UNCX: variants seen among roughly 807,000 people sequenced by gnomAD.
The protein encoded by UNCX is homeobox protein unc-4 homolog.
UNCX carries 4 observed loss-of-function variants against 14.8 expected under a neutral mutation model. That is an observed-to-expected ratio of 0.27 (90% CI 0.13 to 0.62). The LOEUF is 0.62. UNCX is among the 20% of genes least tolerant of loss of function. UNCX has a pLI of 0.86. For missense variants in UNCX, 749 were observed against 786.8 expected (o/e 0.95, Z 0.58); for synonymous variants, 459 against 395.8 (o/e 1.16, Z -1.90).
Position 1,233,419 on chromosome 7 carries a change from C to G in UNCX, c.275-101C>G, listed in dbSNP as rs1272179221. ...CTCCTAGGCGGCCGTCTCTGCGCCC[C>G]CCCCCCCGGATCCAGGCGGCCAGCG... On this transcript the variant is annotated intron_variant, in intron 1 of 2. Transcript: ENST00000316333. This position sits in a 1 kb window ranked among gnomAD's most constrained non-coding sequence, Gnocchi z 5.3. 7.3e-7 allele frequency: 1 copy of G among 1,374,688 alleles called. No homozygotes were observed. 85.2% of individuals were successfully genotyped at this position (1,374,688 alleles called of 1,614,324 possible).
chr7:1,235,703 C>T, intron 2 of UNCX, 129 bp from the exon 3 acceptor site: 1 of 813,240 alleles, frequency 1.2e-6, no homozygotes, highest in Admixed American at 3.0e-5. Flanking sequence ...CTCGGCCGCG[C>T]GGCTTCACTC....
Position 1,236,829 on chromosome 7 carries a change from G to A in UNCX, c.1448G>A (p.Gly483Asp), listed in dbSNP as rs1283445729. The change falls in exon 3 of 3, where the codon GGC (glycine) becomes GAC (aspartate). Residue 483 changes from glycine (G) to aspartate (D), a missense_variant. Physicochemically the swap from Gly to Asp is moderately conservative, Grantham distance 94 (BLOSUM62 -1). Transcript: ENST00000316333. This position sits in a 1 kb window ranked among gnomAD's most constrained non-coding sequence, Gnocchi z 6.9. ...GACTGCGCGGACGCGGGGACCGCCG[G>A]CCCCGCGCCCCCGCCGCCCGCGCCG... ...GGDCADAGTA[G>D]PAPPPPAPSP... The A allele has an allele frequency of 3.0e-6, 3 of 987,206 alleles. No individual in the cohort carries two copies. The highest frequency in any genetic ancestry group is 3.6e-5 in the African/African-American group (2 of 56,058). The allele number at this position is 987,206 out of a possible 1,614,324, so 61.2% of individuals were successfully genotyped here. A position where few individuals can be genotyped will look rare whatever the true frequency, so the allele number is the denominator to read the frequency against.
At position 1,233,790 on chromosome 7, in the gene UNCX, C is replaced by A. The variant is rs1778689802; in HGVS notation, c.450+95C>A. 2 of 1,444,238 alleles carry A rather than the reference C, an allele frequency of 1.4e-6. No homozygotes were observed. Among genetic ancestry groups the A allele is most frequent in the East Asian group, 2.5e-5 (1 of 39,596 alleles). 89.5% of individuals were successfully genotyped at this position (1,444,238 alleles called of 1,614,324 possible). On this transcript the variant is annotated intron_variant, in intron 2 of 2. Coordinates refer to ENST00000316333, the MANE Select transcript of UNCX (RefSeq NM_001080461.3). The surrounding 1 kb of genome is among the most constrained non-coding windows in gnomAD (Gnocchi z 5.3). Reference sequence around the variant, plus strand: ...GTTCCAGGTGGCGAGATATCGTCCCCTTGCCGCGGGCCCGCTTCGCGCTCG... The same window carrying A: ...GTTCCAGGTGGCGAGATATCGTCCCATTGCCGCGGGCCCGCTTCGCGCTCG...
chr7:1,233,425 C>CCT lies in UNCX; in HGVS notation c.275-94_275-93insTC, dbSNP rs1554251749. 198 of 1,383,192 alleles carry CCT rather than the reference C, an allele frequency of 1.4e-4. No homozygotes were observed. In the South Asian group the frequency reaches 2.3e-3, roughly 16 times the overall value. The allele number at this position is 1,383,192 out of a possible 1,614,324, so 85.7% of individuals were successfully genotyped here. A position where few individuals can be genotyped will look rare whatever the true frequency, so the allele number is the denominator to read the frequency against. On this transcript the variant is annotated intron_variant, in intron 1 of 2. Coordinates refer to ENST00000316333, the MANE Select transcript of UNCX (RefSeq NM_001080461.3). This position sits in a 1 kb window ranked among gnomAD's most constrained non-coding sequence, Gnocchi z 5.3. Reference sequence around the variant, plus strand: ...GGCGGCCGTCTCTGCGCCCCCCCCCCCGGATCCAGGCGGCCAGCGGGTAGC... The same window carrying CCT: ...GGCGGCCGTCTCTGCGCCCCCCCCCCCTCGGATCCAGGCGGCCAGCGGGTAGC...
In UNCX at chr7:1,233,656, G is replaced by T; in HGVS notation, c.411G>T (p.Ala137=). Residue 137 remains alanine, a synonymous_variant, in exon 2 of 3, where the codon GCG becomes GCT. Transcript: ENST00000316333. The surrounding 1 kb of genome is among the most constrained non-coding windows in gnomAD (Gnocchi z 5.3). ...ATCCCGACGTGTTCATGCGCGAGGC[G>T]CTGGCGCTGCGCCTAGACCTGGTCG... ...SHYPDVFMRE[A]LALRLDLVES... is the part of the protein sequence containing the mutation. 3.1e-6 allele frequency: 5 copies of T among 1,611,154 alleles called. No homozygotes were observed. The highest frequency in any genetic ancestry group is 4.2e-6 in the Non-Finnish European group (5 of 1,179,018).
chr7:1,233,872 C>T lies in UNCX; in HGVS notation c.450+177C>T, dbSNP rs1308855799. ...CTGGGGCTCGGCCCCTCACGGACAG[C>T]GGGGTGGGTAACTGCCCCCCAAAAG... On this transcript the variant is annotated intron_variant, in intron 2 of 2. Coordinates refer to ENST00000316333, the MANE Select transcript of UNCX (RefSeq NM_001080461.3). This position sits in a 1 kb window ranked among gnomAD's most constrained non-coding sequence, Gnocchi z 5.3. 1.3e-5 allele frequency among the ~76,000 whole-genome samples: 2 copies of T among 152,220 alleles called. No homozygotes were observed. The highest frequency in any genetic ancestry group is 2.9e-5 in the Non-Finnish European group (2 of 68,036).
In UNCX at chr7:1,236,034, A is replaced by C. The variant is rs376337553; in HGVS notation, c.653A>C (p.His218Pro). 114 of 1,605,430 alleles carry C rather than the reference A, an allele frequency of 7.1e-5. 1 individual carries two copies. In the African/African-American group the frequency reaches 1.2e-3, roughly 17 times the overall value. The change falls in exon 3 of 3, where the codon CAC becomes CCC. Residue 218 changes from histidine to proline, a missense_variant. His to Pro is a moderately conservative substitution (Grantham distance 77). Transcript: ENST00000316333. The surrounding 1 kb of genome is among the most constrained non-coding windows in gnomAD (Gnocchi z 6.9). The stretch of plus-strand genomic sequence containing the variant: ...AAGCTGCTGAAGAGCCAGGGCCGCC[A>C]CTTGCACTCGCCCGGCGGCCTGTCC... Reference protein sequence around the residue: ...EKKLLKSQGRHLHSPGGLSLH... With the variant: ...EKKLLKSQGRPLHSPGGLSLH...
At chr7:1,234,134 G>T (rs1324325007) in intron 2 of UNCX, among the ~76,000 whole-genome samples, 1 of 149,718 alleles carries the variant, frequency 6.7e-6, no homozygotes. Flanking sequence ...CACCCAGCCT[G>T]GAGCGAACGA....
At position 1,237,027 on chromosome 7, in the gene UNCX, A is replaced by G. The variant is rs1336709830; in HGVS notation, c.*50A>G. The G allele has an allele frequency of 4.5e-6, 5 of 1,122,892 alleles. No homozygotes were observed. The highest frequency in any genetic ancestry group is 5.4e-6 in the Non-Finnish European group (5 of 917,782). The allele number at this position is 1,122,892 out of a possible 1,614,324, so 69.6% of individuals were successfully genotyped here. On this transcript the variant is annotated 3_prime_UTR_variant, in exon 3 of 3. Coordinates refer to ENST00000316333, the MANE Select transcript of UNCX (RefSeq NM_001080461.3). The surrounding 1 kb of genome is among the most constrained non-coding windows in gnomAD (Gnocchi z 5.8). ...GTAGCCGGCCCGCGGCCGCTCGCTC[A>G]GGCTCCGACTCACGCAACGAATCAG...
Position 1,236,067 on chromosome 7 carries a change from G to T in UNCX, c.686G>T (p.Ser229Ile), listed in dbSNP as rs762007246. The T allele has an allele frequency of 4.4e-6, 7 of 1,589,234 alleles. No individual in the cohort carries two copies. Among genetic ancestry groups the T allele is most frequent in the Middle Eastern group, 2.0e-4 (1 of 5,100 alleles). ...TCGCCCGGCGGCCTGTCCCTGCACA[G>T]CGCGCCCAGCTCCGACAGCGACAGC... ...LHSPGGLSLH[S>I]APSSDSDSGG... The change falls in exon 3 of 3, where the codon AGC becomes ATC. Residue 229 changes from serine (S) to isoleucine (I), a missense_variant. Physicochemically the swap from Ser to Ile is moderately radical, Grantham distance 142 (BLOSUM62 -2). This residue lies in a region of UNCX where 552 missense variants were observed against 507.2 expected (regional missense o/e 1.09). Transcript: ENST00000316333. The surrounding 1 kb of genome is among the most constrained non-coding windows in gnomAD (Gnocchi z 6.9).
In UNCX at chr7:1,233,815, G is replaced by C; in HGVS notation, c.450+120G>C. 7.8e-7 allele frequency: 1 copy of C among 1,281,418 alleles called. No individual in the cohort carries two copies. Among genetic ancestry groups the C allele is most frequent in the Non-Finnish European group, 1.0e-6 (1 of 955,692 alleles). 79.4% of individuals were successfully genotyped at this position (1,281,418 alleles called of 1,614,324 possible). On this transcript the variant is annotated intron_variant, in intron 2 of 2. Transcript: ENST00000316333. The surrounding 1 kb of genome is among the most constrained non-coding windows in gnomAD (Gnocchi z 5.3). ...CTTGCCGCGGGCCCGCTTCGCGCTC[G>C]CCTGCTGGGGAAGAGTGGAGGGGTG...
Position 1,237,130 on chromosome 7 carries a change from G to C in UNCX, c.*153G>C, listed in dbSNP as rs1266065245. 1.4e-6 allele frequency: 1 copy of C among 730,548 alleles called. No homozygotes were observed. Among genetic ancestry groups the C allele is most frequent in the Non-Finnish European group, 1.7e-6 (1 of 582,284 alleles). The allele number at this position is 730,548 out of a possible 1,614,324, so 45.3% of individuals were successfully genotyped here. On this transcript the variant is annotated 3_prime_UTR_variant, in exon 3 of 3. Transcript: ENST00000316333. This position sits in a 1 kb window ranked among gnomAD's most constrained non-coding sequence, Gnocchi z 5.8. Reference sequence around the variant, plus strand: ...TTTATTATTTTTTTTAAGAGTAAACGAAAGTGCTGTATGAATTCGGACCCA... The same window carrying C: ...TTTATTATTTTTTTTAAGAGTAAACCAAAGTGCTGTATGAATTCGGACCCA...
chr7:1,237,120 A>C lies in UNCX; in HGVS notation c.*143A>C. Reference sequence around the variant, plus strand: ...TTTTCTTTCTTTTATTATTTTTTTTAAGAGTAAACGAAAGTGCTGTATGAA... The same window carrying C: ...TTTTCTTTCTTTTATTATTTTTTTTCAGAGTAAACGAAAGTGCTGTATGAA... On this transcript the variant is annotated 3_prime_UTR_variant, in exon 3 of 3. Transcript: ENST00000316333. This position sits in a 1 kb window ranked among gnomAD's most constrained non-coding sequence, Gnocchi z 5.8. 1.2e-6 allele frequency: 1 copy of C among 821,710 alleles called. No individual in the cohort carries two copies. The highest frequency in any genetic ancestry group is 1.8e-5 in the African/African-American group (1 of 54,318). The allele number at this position is 821,710 out of a possible 1,614,324, so 50.9% of individuals were successfully genotyped here. A position where few individuals can be genotyped will look rare whatever the true frequency, so the allele number is the denominator to read the frequency against.
rs766960006 is a variant in UNCX at position 1,235,995 on chromosome 7, G to T, written c.614G>T (p.Arg205Leu). Reference sequence around the variant, plus strand: ...CTGGAGAAGATGGAGAAGAAGAAGCGCAAGCACGAGAAGAAGCTGCTGAAG... The same window carrying T: ...CTGGAGAAGATGGAGAAGAAGAAGCTCAAGCACGAGAAGAAGCTGCTGAAG... ...KELEKMEKKK[R>L]KHEKKLLKSQ... Residue 205 changes from arginine to leucine, a missense_variant, in exon 3 of 3, where the codon CGC (arginine) becomes CTC (leucine). Transcript: ENST00000316333. 13 of 1,609,254 alleles carry T rather than the reference G, an allele frequency of 8.1e-6. No homozygotes were observed. Among genetic ancestry groups the T allele is most frequent in the South Asian group, 1.1e-5 (1 of 90,584 alleles).
rs556900316 is a variant in UNCX, at chr7:1,236,668, G to A, written c.1287G>A (p.Ser429=). ...CCCAGGCCAGTTTCGGGGCCTTCTC[G>A]GGGCCCGGCGGCGCCCCGGACTCGG... ...PPAQASFGAF[S]GPGGAPDSAF... Residue 429 remains serine, a synonymous_variant, in exon 3 of 3, where the codon TCG becomes TCA. Coordinates refer to ENST00000316333, the MANE Select transcript of UNCX (RefSeq NM_001080461.3). This position sits in a 1 kb window ranked among gnomAD's most constrained non-coding sequence, Gnocchi z 6.9. 9.5e-3 allele frequency: 9,654 copies of A among 1,013,214 alleles called. 52 individuals are homozygous for A. The highest frequency in any genetic ancestry group is 0.025 in the South Asian group (550 of 22,440). The allele number at this position is 1,013,214 out of a possible 1,614,324, so 62.8% of individuals were successfully genotyped here.
In UNCX at chr7:1,233,131, G is replaced by A. The variant is rs1039420765; in HGVS notation, c.114G>A (p.Gly38=). Residue 38 remains glycine (G), a synonymous_variant, in exon 1 of 3, where the codon GGG becomes GGA. Coordinates refer to ENST00000316333, the MANE Select transcript of UNCX (RefSeq NM_001080461.3). The surrounding 1 kb of genome is among the most constrained non-coding windows in gnomAD (Gnocchi z 5.3). ...LGHHHVYELA[G]HQLQSAAAAA... is the part of the protein sequence containing the mutation. Reference sequence around the variant, plus strand: ...ACCACCACGTGTACGAGCTGGCCGGGCACCAGCTGCAGTCGGCCGCCGCCG... The same window carrying A: ...ACCACCACGTGTACGAGCTGGCCGGACACCAGCTGCAGTCGGCCGCCGCCG... 2.7e-6 allele frequency: 4 copies of A among 1,465,332 alleles called. No homozygotes were observed. Among genetic ancestry groups the A allele is most frequent in the Non-Finnish European group, 3.6e-6 (4 of 1,112,342 alleles). The allele number at this position is 1,465,332 out of a possible 1,614,324, so 90.8% of individuals were successfully genotyped here.
chr7:1,236,987 G>C lies in UNCX; in HGVS notation c.*10G>C, dbSNP rs959045779. On this transcript the variant is annotated 3_prime_UTR_variant, in exon 3 of 3. Transcript: ENST00000316333. The surrounding 1 kb of genome is among the most constrained non-coding windows in gnomAD (Gnocchi z 6.9). ...GCTGGACATGGACTGAGGCCGCGGC[G>C]GCCGGGAGAGGCGCGTAGCCGGCCC... 3.9e-5 allele frequency: 46 copies of C among 1,186,918 alleles called. No individual in the cohort carries two copies. The highest frequency in any genetic ancestry group is 4.4e-5 in the Non-Finnish European group (42 of 958,620). 73.5% of individuals were successfully genotyped at this position (1,186,918 alleles called of 1,614,324 possible). A position where few individuals can be genotyped will look rare whatever the true frequency, so the allele number is the denominator to read the frequency against.
chr7:1,233,417 C>CT lies in UNCX; in HGVS notation c.275-103_275-102insT. On this transcript the variant is annotated intron_variant, in intron 1 of 2. Coordinates refer to ENST00000316333, the MANE Select transcript of UNCX (RefSeq NM_001080461.3). This position sits in a 1 kb window ranked among gnomAD's most constrained non-coding sequence, Gnocchi z 5.3. ...GGCTCCTAGGCGGCCGTCTCTGCGC[C>CT]CCCCCCCCCGGATCCAGGCGGCCAG... 3 of 1,301,248 alleles carry CT rather than the reference C, an allele frequency of 2.3e-6. No individual in the cohort carries two copies. Among genetic ancestry groups the CT allele is most frequent in the Admixed American group, 3.7e-5 (1 of 27,324 alleles). 80.6% of individuals were successfully genotyped at this position (1,301,248 alleles called of 1,614,324 possible). A position where few individuals can be genotyped will look rare whatever the true frequency, so the allele number is the denominator to read the frequency against.
chr7:1,233,131 G>C lies in UNCX; in HGVS notation c.114G>C (p.Gly38=), dbSNP rs1039420765. ...LGHHHVYELA[G]HQLQSAAAAA... The stretch of plus-strand genomic sequence containing the variant: ...ACCACCACGTGTACGAGCTGGCCGG[G>C]CACCAGCTGCAGTCGGCCGCCGCCG... The change falls in exon 1 of 3, where the codon GGG becomes GGC. Residue 38 remains glycine, a synonymous_variant. Coordinates refer to ENST00000316333, the MANE Select transcript of UNCX (RefSeq NM_001080461.3). This position sits in a 1 kb window ranked among gnomAD's most constrained non-coding sequence, Gnocchi z 5.3. The C allele has an allele frequency of 2.0e-6, 3 of 1,465,222 alleles. No individual in the cohort carries two copies. The highest frequency in any genetic ancestry group is 3.0e-5 in the East Asian group (1 of 32,934). The allele number at this position is 1,465,222 out of a possible 1,614,324, so 90.8% of individuals were successfully genotyped here.
Sources: allele counts gnomAD v4.1 joint callset (sites outside exome capture counted in the v4.1 genomes callset), GRCh38; gene constraint gnomAD v4.1.1; regional missense constraint gnomAD v4.1.1; non-coding constraint Gnocchi (gnomAD v3.1); transcripts MANE v1.5; gene names NCBI Gene and HGNC (gene_info 2026-07-23, HGNC 2026-07-21).